Variants in RREB1 observed in about 807,000 individuals in gnomAD.
The protein encoded by RREB1 is ras-responsive element-binding protein 1.
A neutral mutation model predicts 117.8 loss-of-function variants in RREB1; 27 were observed. The ratio of observed to expected loss-of-function variants is 0.23; its 90% CI spans 0.17 to 0.32. The LOEUF is 0.32. Ranked by LOEUF, RREB1 falls within the 10% of genes least tolerant of loss-of-function variation. The pLI, the probability that RREB1 is intolerant of heterozygous loss-of-function variation, is 1.00. For missense variants in RREB1, 2,577 were observed against 2,378.2 expected (o/e 1.08, Z -1.74); for synonymous variants, 1,298 against 1,026.7 (o/e 1.26, Z -5.05).
intron 1 of RREB1, among the ~76,000 whole-genome samples, chr6:7,141,057 T>C (rs1762547761): frequency 6.6e-6 from 1 of 152,124 alleles, no homozygotes; most frequent in African/African-American, 2.4e-5. Context: ...GCCTCGAGGG[T>C]CTGTCTGTGC....
chr6:7,169,116 TTC>T (rs968167117), intron 1 of RREB1, among the ~76,000 whole-genome samples: 6 of 152,262 alleles, frequency 3.9e-5, no homozygotes, highest in African/African-American at 1.4e-4. Context: ...CAACATTCTT[TTC>T]TGTTTTCAAA....
chr6:7,202,433 C>T (rs913434543), intron 6 of RREB1, among the ~76,000 whole-genome samples: 2 of 152,216 alleles, frequency 1.3e-5, no homozygotes, highest in African/African-American at 4.8e-5. Flanking sequence ...TTCAGCACTT[C>T]CCTCCTCCTA....
At chr6:7,246,368 C>T (rs545483909) in intron 11 of RREB1, 56 bp from the exon 12 acceptor site, 119 of 1,394,198 alleles carry the variant, frequency 8.5e-5, no homozygotes, top group Non-Finnish European at 1.1e-4. Flanking sequence ...ACATCCCTGG[C>T]ATGGGCGTAC....
chr6:7,126,287 A>T (rs962609573), intron 1 of RREB1, among the ~76,000 whole-genome samples: 1 of 151,620 alleles, frequency 6.6e-6, no homozygotes, highest in Non-Finnish European at 1.5e-5. Flanking sequence ...GGCGTGAGCC[A>T]CTGCGCCCGG....
intron 1 of RREB1, among the ~76,000 whole-genome samples, chr6:7,165,271 GGA>G (rs1391958928): frequency 6.6e-6 from 1 of 152,200 alleles, no homozygotes; most frequent in East Asian, 1.9e-4. Context: ...GTGGTCAGCA[GGA>G]GATAAAAGTG....
chr6:7,247,284 G>A lies in RREB1; in HGVS notation c.4771+63G>A, dbSNP rs1769146028. The A allele has an allele frequency of 8.1e-6, 12 of 1,478,764 alleles. No individual in the cohort carries two copies. The South Asian group carries it at 1.0e-4, about 13-fold the overall frequency. The allele number at this position is 1,478,764 out of a possible 1,614,324, so 91.6% of individuals were successfully genotyped here. ...GAGGCGAGCCGGGCACCTCTCCTAG[G>A]AGCTCCCCTGAAGCGGCGCTGGAGG... On this transcript the variant is annotated intron_variant, in intron 12 of 12. Transcript: ENST00000379938.
At position 7,248,876 on chromosome 6, in the gene RREB1, G is replaced by A. The variant is rs754858479; in HGVS notation, c.5137G>A (p.Gly1713Arg). The stretch of plus-strand genomic sequence containing the variant: ...TAACCCAGAGAGCCCGGCGGCCCTG[G>A]GGCAGGACCTGCTGGAGCCGCGCAG... ...DLNPESPAAL[G>R]QDLLEPRSKR... is the part of the protein sequence containing the mutation. The change falls in exon 13 of 13, where the codon GGG becomes AGG. Residue 1713 changes from glycine (G) to arginine (R), a missense_variant. Physicochemically the swap from Gly to Arg is moderately radical, Grantham distance 125 (BLOSUM62 -2). Transcript: ENST00000379938. 1 of 1,592,698 alleles carries A rather than the reference G, an allele frequency of 6.3e-7. No individual in the cohort carries two copies. The highest frequency in any genetic ancestry group is 2.3e-5 in the East Asian group (1 of 43,706).
chr6:7,118,972 A>G (rs894736584), intron 1 of RREB1, among the ~76,000 whole-genome samples: 7 of 151,614 alleles, frequency 4.6e-5, no homozygotes, highest in Non-Finnish European at 8.8e-5. Context: ...TTATTTTTTT[A>G]ACATTTACAG....
chr6:7,187,824 A>G lies in RREB1; in HGVS notation c.261+301A>G, dbSNP rs564250105. ...GAGGTGGTTATGAAATGACTTTTGT[A>G]TATGCATATTCCTGTGACAAAGTCT... On this transcript the variant is annotated intron_variant, in intron 5 of 12. Transcript: ENST00000379938. 4 of 169,142 alleles carry G rather than the reference A, an allele frequency of 2.4e-5. No homozygotes were observed. In the East Asian group the frequency reaches 6.2e-4, roughly 26 times the overall value. 10.5% of individuals were successfully genotyped at this position (169,142 alleles called of 1,614,324 possible).
Position 7,246,611 on chromosome 6 carries a change from C to A in RREB1, c.4161C>A (p.Ser1387Arg). The A allele has an allele frequency of 6.4e-7, 1 of 1,562,262 alleles. No individual in the cohort carries two copies. The highest frequency in any genetic ancestry group is 8.7e-7 in the Non-Finnish European group (1 of 1,153,708). ...VHREEHGRGE[S>R]HEPEEEHGTE... ...GGGAAGAGCACGGGCGTGGGGAGAGCCATGAGCCGGAGGAGGAGCATGGCA... is the reference window on the plus strand; with the variant it reads ...GGGAAGAGCACGGGCGTGGGGAGAGACATGAGCCGGAGGAGGAGCATGGCA... The change falls in exon 12 of 13, where the codon AGC becomes AGA. Residue 1387 changes from serine to arginine, a missense_variant. Transcript: ENST00000379938.
At chr6:7,176,357 C>A (rs369162681) in intron 1 of RREB1, among the ~76,000 whole-genome samples, 6 of 152,318 alleles carry the variant, frequency 3.9e-5, no homozygotes, top group East Asian at 3.9e-4. Flanking sequence ...GAAGCTCCCC[C>A]CCGGAGCCAG....
At chr6:7,171,239 C>T (rs1581485466) in intron 1 of RREB1, among the ~76,000 whole-genome samples, 1 of 152,180 alleles carries the variant, frequency 6.6e-6, no homozygotes, top group African/African-American at 2.4e-5. Context: ...CCCGCTGCAA[C>T]GAACCTTTTA....
At chr6:7,127,760 A>G (rs1762000339) in intron 1 of RREB1, among the ~76,000 whole-genome samples, 1 of 152,146 alleles carries the variant, frequency 6.6e-6, no homozygotes, top group Non-Finnish European at 1.5e-5. Flanking sequence ...TGGAAATAGA[A>G]TCTGTTCAAA....
chr6:7,233,631 GT>G (rs899333814), intron 10 of RREB1, among the ~76,000 whole-genome samples: 13 of 151,908 alleles, frequency 8.6e-5, no homozygotes, highest in Admixed American at 2.6e-4. Flanking sequence ...GGCATCCTGG[GT>G]TTTTTTTGTG....
chr6:7,196,657 T>C (rs1765694170), intron 6 of RREB1, among the ~76,000 whole-genome samples: 2 of 152,220 alleles, frequency 1.3e-5, no homozygotes, highest in African/African-American at 4.8e-5. Context: ...AGAGTGATGC[T>C]AATTCCAACT....
chr6:7,173,763 G>A lies in RREB1; in HGVS notation c.-284-2892G>A, dbSNP rs1197580211. Among the ~76,000 whole-genome samples the A allele has an allele frequency of 2.6e-5, 4 of 152,072 alleles. No individual in the cohort carries two copies. In the East Asian group the frequency reaches 5.8e-4, roughly 22 times the overall value. ...CTGAACCAGGGAGGCAGAGGTTACA[G>A]GCTTTCAGCCTTGGCGACAGAAAAA... is the stretch of plus-strand genomic sequence containing the variant. On this transcript the variant is annotated intron_variant, in intron 1 of 12. Transcript: ENST00000379938.
At chr6:7,243,858 G>A (rs1011274887) in intron 11 of RREB1, among the ~76,000 whole-genome samples, 1 of 151,504 alleles carries the variant, frequency 6.6e-6, no homozygotes, top group Non-Finnish European at 1.5e-5. Context: ...TGTTAAATAT[G>A]TTCTGTGCAG....
intron 4 of RREB1, among the ~76,000 whole-genome samples, chr6:7,186,076 C>G (rs1384466460): frequency 1.3e-5 from 2 of 152,152 alleles, no homozygotes. Flanking sequence ...CAAATGAATG[C>G]AAGTAAAAAG....
intron 8 of RREB1, among the ~76,000 whole-genome samples, chr6:7,224,489 G>A (rs1029922540): frequency 1.3e-5 from 2 of 152,026 alleles, no homozygotes; most frequent in Admixed American, 6.6e-5. Flanking sequence ...ACCATGGGGA[G>A]GGTGCAATTG....
Sources: allele counts gnomAD v4.1 joint callset (sites outside exome capture counted in the v4.1 genomes callset), GRCh38; gene constraint gnomAD v4.1.1; transcripts MANE v1.5; gene names NCBI Gene and HGNC (gene_info 2026-07-23, HGNC 2026-07-21).